Variants in NEMP2 observed in about 807,000 individuals in gnomAD.
NEMP2 encodes UPF0571 transmembrane protein.
A neutral mutation model predicts 54.2 loss-of-function variants in NEMP2; 53 were observed. The observed-to-expected ratio is 0.98, with a 90% CI of 0.78 to 1.23. The LOEUF is 1.23. Ranked by LOEUF, NEMP2 falls within the 50% of genes most tolerant of loss-of-function variation. The pLI, the probability that NEMP2 is intolerant of heterozygous loss-of-function variation, is 0.00. For synonymous variants in NEMP2, 197 were observed against 190.3 expected (o/e 1.04, Z -0.29); for missense variants, 455 against 511.3 (o/e 0.89, Z 1.06).
At chr2:190,553,822 T>C in the NEMP2 span, among the ~76,000 whole-genome samples, 2 of 152,204 alleles carry the variant, frequency 1.3e-5, no homozygotes, top group Non-Finnish European at 2.9e-5. Flanking sequence ...GACTCTTTTA[T>C]TACATTCTAA....
chr2:190,644,225 G>C, the NEMP2 span, among the ~76,000 whole-genome samples: 10 of 152,224 alleles, frequency 6.6e-5, no homozygotes, highest in East Asian at 1.9e-3. The surrounding 1 kb of genome is among the most constrained non-coding windows in gnomAD (Gnocchi z 4.4). Context: ...AGACATACTG[G>C]CACCAATTTA....
chr2:190,501,027 T>C (rs958316906), downstream of NEMP2: 2 of 152,188 alleles, frequency 1.3e-5, no homozygotes, highest in African/African-American at 4.8e-5. Flanking sequence ...ACTAAATATA[T>C]TGATACTGTA....
At chr2:190,463,183 G>C in the NEMP2 span, among the ~76,000 whole-genome samples, 2 of 152,180 alleles carry the variant, frequency 1.3e-5, no homozygotes, top group East Asian at 3.9e-4. This position sits in a 1 kb window ranked among gnomAD's most constrained non-coding sequence, Gnocchi z 4.4. Context: ...GGGAGGAGGG[G>C]GACAGTTATG....
chr2:190,483,714 A>C, the NEMP2 span, among the ~76,000 whole-genome samples: 1 of 151,952 alleles, frequency 6.6e-6, no homozygotes, highest in African/African-American at 2.4e-5. Context: ...ACACACCTGT[A>C]GTCCCAGCTA....
At chr2:190,643,023 G>GTTTT in the NEMP2 span, among the ~76,000 whole-genome samples, 1,947 of 79,188 alleles carry the variant, frequency 0.025, 93 homozygotes, top group East Asian at 0.047. Context: ...AATGGTTAAG[G>GTTTT]TTTTTTTTTT....
intron 4 of NEMP2, among the ~76,000 whole-genome samples, chr2:190,518,475 G>C (rs1690640527): frequency 6.6e-6 from 1 of 152,120 alleles, no homozygotes; most frequent in South Asian, 2.1e-4. Flanking sequence ...ATAATACAGA[G>C]CTTGCATAGT....
chr2:190,457,297 G>A, the NEMP2 span, among the ~76,000 whole-genome samples: 6 of 152,236 alleles, frequency 3.9e-5, no homozygotes, highest in Admixed American at 6.5e-5. The surrounding 1 kb of genome is among the most constrained non-coding windows in gnomAD (Gnocchi z 5.1). Flanking sequence ...TGAAAAGAGC[G>A]AGCTGGATGC....
At chr2:190,579,405 G>C in the NEMP2 span, among the ~76,000 whole-genome samples, 1 of 151,934 alleles carries the variant, frequency 6.6e-6, no homozygotes, top group African/African-American at 2.4e-5. Context: ...TATTCAAGTG[G>C]AGCGAAGATG....
At chr2:190,613,649 C>T in the NEMP2 span, among the ~76,000 whole-genome samples, 1 of 152,022 alleles carries the variant, frequency 6.6e-6, no homozygotes, top group Non-Finnish European at 1.5e-5. Flanking sequence ...GTGCAAGTGG[C>T]AAGATCTTGG....
chr2:190,459,218 C>T, the NEMP2 span, among the ~76,000 whole-genome samples: 26 of 152,194 alleles, frequency 1.7e-4, no homozygotes, highest in Non-Finnish European at 2.9e-4. This position sits in a 1 kb window ranked among gnomAD's most constrained non-coding sequence, Gnocchi z 5.3. Context: ...TGTACCCATT[C>T]CTGCTGTGTC....
upstream of NEMP2, among the ~76,000 whole-genome samples, chr2:190,537,575 C>A (rs895676029): frequency 3.9e-5 from 6 of 152,170 alleles, no homozygotes; most frequent in African/African-American, 1.2e-4. Context: ...TCAATTAAAC[C>A]TCTTTCCTTT....
At chr2:190,556,281 C>T in the NEMP2 span, among the ~76,000 whole-genome samples, 1 of 152,180 alleles carries the variant, frequency 6.6e-6, no homozygotes, top group South Asian at 2.1e-4. Flanking sequence ...TTCAACAGCT[C>T]TTCATGCTAA....
At chr2:190,451,747 A>G in the NEMP2 span, among the ~76,000 whole-genome samples, 1 of 152,176 alleles carries the variant, frequency 6.6e-6, no homozygotes, top group African/African-American at 2.4e-5. This position sits in a 1 kb window ranked among gnomAD's most constrained non-coding sequence, Gnocchi z 5.0. Context: ...GGCCAGGGAG[A>G]GGGTAATAAA....
chr2:190,548,254 C>G, the NEMP2 span, among the ~76,000 whole-genome samples: 3 of 151,938 alleles, frequency 2.0e-5, no homozygotes, highest in African/African-American at 7.3e-5. Flanking sequence ...GATAATTTGC[C>G]TAACACTAAT....
chr2:190,513,440 T>C lies in NEMP2; in HGVS notation c.953+1013A>G, dbSNP rs564364681. On this transcript the variant is annotated intron_variant, in intron 7 of 8. Coordinates refer to ENST00000409150, the MANE Select transcript of NEMP2 (RefSeq NM_001142645.2). This position sits in a 1 kb window ranked among gnomAD's most constrained non-coding sequence, Gnocchi z 5.3. ...CTCCTGGTTACTGCTGCCTTACCCC[T>C]GCTCAGCATCACTCACCATAGTATC... Among the ~76,000 whole-genome samples the C allele has an allele frequency of 7.4e-4, 113 of 152,188 alleles. 6 individuals are homozygous for C. The highest frequency in any genetic ancestry group is 4.4e-4 in the Non-Finnish European group (30 of 68,036).
At chr2:190,618,514 G>T in the NEMP2 span, among the ~76,000 whole-genome samples, 2 of 152,134 alleles carry the variant, frequency 1.3e-5, no homozygotes, top group South Asian at 4.1e-4. Context: ...TTCGACCAAA[G>T]ATAAATTATT....
the NEMP2 span, chr2:190,435,802 TTTAAAAGCTATTTTTCC>T: frequency 5.5e-6 from 3 of 543,124 alleles, no homozygotes; most frequent in Non-Finnish European, 9.1e-6. Flanking sequence ...ATTCGATTTT[TTTAAAAGCTATTTTTCC>T]TTACCGGTAT....
At chr2:190,575,715 G>A in the NEMP2 span, among the ~76,000 whole-genome samples, 1 of 152,144 alleles carries the variant, frequency 6.6e-6, no homozygotes, top group Non-Finnish European at 1.5e-5. Context: ...AATTAGTTGG[G>A]CATGGTGGTG....
chr2:190,485,596 G>A, the NEMP2 span, among the ~76,000 whole-genome samples: 2 of 151,964 alleles, frequency 1.3e-5, no homozygotes, highest in African/African-American at 4.8e-5. This position sits in a 1 kb window ranked among gnomAD's most constrained non-coding sequence, Gnocchi z 5.1. Flanking sequence ...TTTAATAATA[G>A]AAATGAAAAT....
Sources: gnomAD v4.1 joint callset for allele counts (sites outside exome capture counted in the v4.1 genomes callset) on GRCh38, gnomAD v4.1.1 for gene constraint, Gnocchi (gnomAD v3.1) non-coding constraint, MANE v1.5 for transcripts, NCBI Gene and HGNC (gene_info 2026-07-23, HGNC 2026-07-21) for gene names.